The following CLMN variants were observed in gnomAD, a reference collection of about 807,000 sequenced individuals.
CLMN encodes the protein calmin (calponin-like, transmembrane).
CLMN carries 57 observed loss-of-function variants against 92.7 expected under a neutral mutation model. That is an observed-to-expected ratio of 0.61 (90% CI 0.50 to 0.77). The LOEUF (loss-of-function observed/expected upper bound fraction) is 0.77, where lower values mean the gene tolerates loss of function less well. Among genes scored for constraint, CLMN ranks in the 30% least tolerant of loss-of-function variants. The probability of loss-of-function intolerance (pLI) is 0.00; values close to 1 mark genes in which losing one functional copy is unlikely to be tolerated. For synonymous variants in CLMN, 466 were observed against 470.6 expected (o/e 0.99, Z 0.13); for missense variants, 1,158 against 1,237.5 (o/e 0.94, Z 0.96).
chr14:95,264,773 T>A (rs1350953671), intron 1 of CLMN, among the ~76,000 whole-genome samples: 1 of 152,010 alleles, frequency 6.6e-6, no homozygotes, highest in African/African-American at 2.4e-5. Context: ...AAGATTAACA[T>A]CTAAATCACA....
intron 1 of CLMN, among the ~76,000 whole-genome samples, chr14:95,274,910 G>C (rs578233233): frequency 6.6e-6 from 1 of 150,576 alleles, no homozygotes; most frequent in African/African-American, 2.5e-5. Context: ...ACCCAGGGGG[G>C]CAGAGGTTGC....
chr14:95,250,186 A>G (rs1898727076), intron 1 of CLMN, among the ~76,000 whole-genome samples: 1 of 152,222 alleles, frequency 6.6e-6, no homozygotes, highest in Non-Finnish European at 1.5e-5. Context: ...GCTTATTTGT[A>G]TATGATCAAG....
At chr14:95,279,894 C>G (rs1322825048) in intron 1 of CLMN, among the ~76,000 whole-genome samples, 1 of 151,638 alleles carries the variant, frequency 6.6e-6, no homozygotes, top group Non-Finnish European at 1.5e-5. Context: ...ACTAAAGAAA[C>G]AGTTTTACAT....
At chr14:95,309,699 C>T (rs1285883964) in intron 1 of CLMN, among the ~76,000 whole-genome samples, 2 of 152,042 alleles carry the variant, frequency 1.3e-5, no homozygotes, top group Admixed American at 6.5e-5. Flanking sequence ...TGTGCACTCT[C>T]AGCTAAAGCT....
intron 1 of CLMN, among the ~76,000 whole-genome samples, chr14:95,295,021 G>A (rs1347899237): frequency 6.6e-6 from 1 of 152,180 alleles, no homozygotes; most frequent in Non-Finnish European, 1.5e-5. Context: ...CCTGCTGCTG[G>A]GAGCCACTGG....
chr14:95,239,733 A>C (rs1898180331), intron 1 of CLMN, among the ~76,000 whole-genome samples: 1 of 152,324 alleles, frequency 6.6e-6, no homozygotes, highest in African/African-American at 2.4e-5. Flanking sequence ...GCAATGAAGA[A>C]ATTGGTTTAA....
At position 95,209,540 on chromosome 14, in the gene CLMN, C is replaced by A; in HGVS notation, c.803-63G>T. The A allele has an allele frequency of 6.3e-6, 8 of 1,272,848 alleles. No individual in the cohort carries two copies. In the South Asian group the frequency reaches 9.6e-5, roughly 15 times the overall value. The allele number at this position is 1,272,848 out of a possible 1,614,324, so 78.8% of individuals were successfully genotyped here. On this transcript the variant is annotated intron_variant, in intron 7 of 12. Transcript: ENST00000298912. ...ACACACACGCTTTCAATAGTATTCC[C>A]GGATGCCTGATGGTGAAGAATCCCA...
At chr14:95,260,998 A>G (rs1446211219) in intron 1 of CLMN, among the ~76,000 whole-genome samples, 1 of 152,050 alleles carries the variant, frequency 6.6e-6, no homozygotes, top group South Asian at 2.1e-4. Flanking sequence ...CTGTCTAAGG[A>G]GACTTTATTG....
rs1900714388 is a variant in CLMN at position 95,294,125 on chromosome 14, T to G, written c.82+25586A>C. On this transcript the variant is annotated intron_variant, in intron 1 of 12. Coordinates refer to ENST00000298912, the MANE Select transcript of CLMN (RefSeq NM_024734.4). The surrounding 1 kb of genome is among the most constrained non-coding windows in gnomAD (Gnocchi z 4.2). Reference sequence around the variant, plus strand: ...CACCCTAAACAGCCAGGAGAGTGCGTGCAGTCAGCCTGCCTGCCAAAGAAT... The same window carrying G: ...CACCCTAAACAGCCAGGAGAGTGCGGGCAGTCAGCCTGCCTGCCAAAGAAT... 6.6e-6 allele frequency among the ~76,000 whole-genome samples: 1 copy of G among 152,160 alleles called. No individual in the cohort carries two copies. The highest frequency in any genetic ancestry group is 1.5e-5 in the Non-Finnish European group (1 of 68,030).
At position 95,202,918 on chromosome 14, in the gene CLMN, AG is replaced by A. The variant is rs1327519280; in HGVS notation, c.2430del (p.Ser811GlnfsTer37). 6.3e-7 allele frequency: 1 copy of A among 1,598,390 alleles called. No individual in the cohort carries two copies. Among genetic ancestry groups the A allele is most frequent in the East Asian group, 2.2e-5 (1 of 44,758 alleles). On this transcript the variant is annotated frameshift_variant, in exon 9 of 13. Transcript: ENST00000298912. LOFTEE classifies it high-confidence loss of function. Reference sequence around the variant, plus strand: ...TGGGGGGCCAGTGGAGCGGGTTCTGAGGCTGGTGTGGTACCCACACCACCCC... The same window carrying A: ...TGGGGGGCCAGTGGAGCGGGTTCTGAGCTGGTGTGGTACCCACACCACCCC... ...LSRGGVGTTP[A>X]SEPAPLAPHE...
chr14:95,225,424 G>T (rs550276237), intron 2 of CLMN, among the ~76,000 whole-genome samples: 1 of 152,322 alleles, frequency 6.6e-6, no homozygotes, highest in African/African-American at 2.4e-5. Context: ...CAGAGGACTG[G>T]GCTGGAATGC....
chr14:95,289,023 G>A (rs968260019), intron 1 of CLMN, among the ~76,000 whole-genome samples: 1 of 152,170 alleles, frequency 6.6e-6, no homozygotes, highest in African/African-American at 2.4e-5. Flanking sequence ...ATCACAATAG[G>A]GGTTACCGCT....
intron 1 of CLMN, among the ~76,000 whole-genome samples, chr14:95,237,566 G>A (rs1399937442): frequency 6.6e-6 from 1 of 152,212 alleles, no homozygotes; most frequent in Non-Finnish European, 1.5e-5. Flanking sequence ...GGTGGCAGGA[G>A]GCCTCACACT....
chr14:95,225,088 TTTA>T (rs1481455740), intron 2 of CLMN, among the ~76,000 whole-genome samples: 1 of 152,108 alleles, frequency 6.6e-6, no homozygotes, highest in Non-Finnish European at 1.5e-5. Context: ...TGTATGTGTA[TTTA>T]TATGTTTAGG....
chr14:95,299,755 G>A (rs960291787), intron 1 of CLMN, among the ~76,000 whole-genome samples: 7 of 152,110 alleles, frequency 4.6e-5, no homozygotes, highest in Non-Finnish European at 7.4e-5. Context: ...ATCCAGTGTC[G>A]CAGACCTGAC....
At chr14:95,276,154 C>G (rs1413785660) in intron 1 of CLMN, among the ~76,000 whole-genome samples, 4 of 152,120 alleles carry the variant, frequency 2.6e-5, no homozygotes, top group African/African-American at 7.2e-5. Context: ...CAACTGCAGT[C>G]CCAATTAGCC....
intron 1 of CLMN, among the ~76,000 whole-genome samples, chr14:95,291,249 C>G (rs1241383006): frequency 6.6e-6 from 1 of 152,212 alleles, no homozygotes; most frequent in African/African-American, 2.4e-5. Flanking sequence ...GGGCTTGGCT[C>G]GCCATCCAGG....
At chr14:95,197,875 C>T (rs146076672) in intron 9 of CLMN, among the ~76,000 whole-genome samples, 2 of 152,170 alleles carry the variant, frequency 1.3e-5, no homozygotes, top group East Asian at 1.9e-4. Flanking sequence ...TGAAAAGCTG[C>T]GCTCAGCAAT....
intron 1 of CLMN, among the ~76,000 whole-genome samples, chr14:95,234,152 T>C (rs1897975566): frequency 6.6e-6 from 1 of 152,156 alleles, no homozygotes; most frequent in Non-Finnish European, 1.5e-5. Flanking sequence ...TTTGCCTTGG[T>C]CTCCCCTCCA....
Sources: allele counts gnomAD v4.1 joint callset (sites outside exome capture counted in the v4.1 genomes callset), GRCh38; gene constraint gnomAD v4.1.1; non-coding constraint Gnocchi (gnomAD v3.1); transcripts MANE v1.5; gene names NCBI Gene and HGNC (gene_info 2026-07-23, HGNC 2026-07-21).